Variants in PDZRN4 observed in about 807,000 individuals in gnomAD.
PDZRN4 encodes the protein PDZ domain-containing RING finger protein 4.
A neutral mutation model predicts 99.0 loss-of-function variants in PDZRN4; 70 were observed. That is an observed-to-expected ratio of 0.71 (90% CI 0.58 to 0.86). PDZRN4 has a LOEUF of 0.86. Among genes scored for constraint, PDZRN4 ranks in the 40% least tolerant of loss-of-function variants. The probability of loss-of-function intolerance (pLI) is 0.00; values close to 1 mark genes in which losing one functional copy is unlikely to be tolerated. For synonymous variants in PDZRN4, 551 were observed against 501.6 expected (o/e 1.10, Z -1.32); for missense variants, 1,474 against 1,331.2 (o/e 1.11, Z -1.67).
At chr12:41,477,741 G>A (rs554102320) in intron 3 of PDZRN4, 6 of 700,472 alleles carry the variant, frequency 8.6e-6, no homozygotes, top group Non-Finnish European at 1.5e-5. Flanking sequence ...GCACAAAACA[G>A]CCAAATAAAA....
At chr12:41,259,975 G>T (rs1951226861) in intron 3 of PDZRN4, among the ~76,000 whole-genome samples, 1 of 152,098 alleles carries the variant, frequency 6.6e-6, no homozygotes, top group Non-Finnish European at 1.5e-5. Context: ...ATCATACTAG[G>T]ACATTTTCTA....
chr12:41,538,340 T>A (rs1938785034), intron 5 of PDZRN4, among the ~76,000 whole-genome samples: 1 of 152,204 alleles, frequency 6.6e-6, no homozygotes, highest in Admixed American at 6.5e-5. Flanking sequence ...TTTATAAAAG[T>A]TCTTCAGAGT....
intron 3 of PDZRN4, among the ~76,000 whole-genome samples, chr12:41,386,503 G>T (rs1952171657): frequency 6.6e-6 from 1 of 152,126 alleles, no homozygotes; most frequent in Admixed American, 6.6e-5. Context: ...AACATTCCAT[G>T]CTCATGGATA....
At chr12:41,526,142 A>G (rs1025742073) in intron 5 of PDZRN4, among the ~76,000 whole-genome samples, 6 of 152,062 alleles carry the variant, frequency 3.9e-5, no homozygotes, top group African/African-American at 7.2e-5. Flanking sequence ...CTTCCTTCCA[A>G]TTCTAGGACA....
intron 7 of PDZRN4, 126 bp downstream of exon 7, chr12:41,555,886 C>CAA (rs35738715): frequency 2.4e-4 from 137 of 569,612 alleles, no homozygotes; most frequent in South Asian, 4.7e-4. Flanking sequence ...TCTACAAAAC[C>CAA]AAAAAAAAAA....
chr12:41,417,157 A>G (rs1952452107), intron 3 of PDZRN4, among the ~76,000 whole-genome samples: 1 of 152,224 alleles, frequency 6.6e-6, no homozygotes, highest in Admixed American at 6.5e-5. Context: ...ATATTTCCTC[A>G]AATCTAAAGA....
At chr12:41,371,147 C>T (rs1488983949) in intron 3 of PDZRN4, among the ~76,000 whole-genome samples, 2 of 148,634 alleles carry the variant, frequency 1.3e-5, no homozygotes, top group East Asian at 2.0e-4. Flanking sequence ...AATATATATC[C>T]TATATATATT....
chr12:41,214,918 A>C (rs542564577), intron 3 of PDZRN4, among the ~76,000 whole-genome samples: 2 of 152,230 alleles, frequency 1.3e-5, no homozygotes, highest in South Asian at 4.1e-4. Context: ...ATAATGTTCA[A>C]AGAAGTGTTT....
chr12:41,407,430 A>G (rs1029022850), intron 3 of PDZRN4, among the ~76,000 whole-genome samples: 2 of 152,196 alleles, frequency 1.3e-5, no homozygotes, highest in Admixed American at 1.3e-4. Context: ...TGGATAACCC[A>G]TTTGGGAAAA....
At chr12:41,204,695 T>G (rs1199874048) in intron 3 of PDZRN4, among the ~76,000 whole-genome samples, 1 of 152,042 alleles carries the variant, frequency 6.6e-6, no homozygotes, top group Non-Finnish European at 1.5e-5. Flanking sequence ...ACCACCCCCG[T>G]GATTCAGTTA....
intron 3 of PDZRN4, among the ~76,000 whole-genome samples, chr12:41,345,245 G>T (rs1343594006): frequency 1.3e-5 from 2 of 152,194 alleles, no homozygotes; most frequent in Non-Finnish European, 2.9e-5. Flanking sequence ...AGTGATTGAT[G>T]CTGCATTAAT....
intron 7 of PDZRN4, among the ~76,000 whole-genome samples, chr12:41,560,038 T>C (rs2012881): frequency 0.031 from 4,654 of 152,242 alleles, 152 homozygotes; most frequent in African/African-American, 0.077. Context: ...CTCAGGTATT[T>C]CTTTATAGCA....
At position 41,555,771 on chromosome 12, in the gene PDZRN4, T is replaced by C. The variant is rs373497103; in HGVS notation, c.1365+11T>C. Reference sequence around the variant, plus strand: ...GATCGGATTTTGCAAGTAGGTGGTATAGTAATTTCCTTTAGTTCCCCACGA... The same window carrying C: ...GATCGGATTTTGCAAGTAGGTGGTACAGTAATTTCCTTTAGTTCCCCACGA... On this transcript the variant is annotated intron_variant, in intron 7 of 9. Transcript: ENST00000402685. 6.2e-7 allele frequency: 1 copy of C among 1,608,624 alleles called. No homozygotes were observed. The highest frequency in any genetic ancestry group is 1.3e-5 in the African/African-American group (1 of 74,788).
intron 5 of PDZRN4, among the ~76,000 whole-genome samples, chr12:41,540,307 C>T (rs1938825754): frequency 6.6e-6 from 1 of 152,082 alleles, no homozygotes; most frequent in Admixed American, 6.6e-5. Context: ...CCATCAGAAC[C>T]TAGAAGAAAA....
chr12:41,460,366 T>C (rs1362536958), intron 3 of PDZRN4, among the ~76,000 whole-genome samples: 1 of 152,208 alleles, frequency 6.6e-6, no homozygotes, highest in Non-Finnish European at 1.5e-5. Flanking sequence ...ATTTTTAACA[T>C]GCTGGAAATG....
intron 3 of PDZRN4, among the ~76,000 whole-genome samples, chr12:41,442,854 G>A (rs1446649001): frequency 3.3e-5 from 5 of 152,016 alleles, no homozygotes; most frequent in African/African-American, 1.2e-4. Flanking sequence ...GAAACAGATG[G>A]GTAATGAGAA....
At chr12:41,236,498 GAGA>G (rs1305526608) in intron 3 of PDZRN4, among the ~76,000 whole-genome samples, 2 of 152,012 alleles carry the variant, frequency 1.3e-5, no homozygotes, top group Admixed American at 6.6e-5. Flanking sequence ...TTTATAGAAG[GAGA>G]AGAAGATAAG....
chr12:41,362,845 T>G (rs1299351559), intron 3 of PDZRN4, among the ~76,000 whole-genome samples: 4 of 152,118 alleles, frequency 2.6e-5, no homozygotes, highest in Non-Finnish European at 5.9e-5. Flanking sequence ...CTACATTAAT[T>G]ATGACTTTTA....
intron 3 of PDZRN4, among the ~76,000 whole-genome samples, chr12:41,318,673 T>G (rs1271265458): frequency 6.6e-6 from 1 of 152,180 alleles, no homozygotes; most frequent in African/African-American, 2.4e-5. Context: ...TTGGTTGTGC[T>G]TTTTAAAACT....
Sources: allele counts gnomAD v4.1 joint callset (sites outside exome capture counted in the v4.1 genomes callset), GRCh38; gene constraint gnomAD v4.1.1; transcripts MANE v1.5; gene names NCBI Gene and HGNC (gene_info 2026-07-23, HGNC 2026-07-21).